Variants in ARRDC5 observed in about 807,000 individuals in gnomAD.
ARRDC5 encodes arrestin domain-containing protein 5.
ARRDC5 carries 12 observed loss-of-function variants against 13.3 expected under a neutral mutation model. The ratio of observed to expected loss-of-function variants is 0.90; its 90% CI spans 0.58 to 1.46. The LOEUF (loss-of-function observed/expected upper bound fraction) is 1.46, where lower values mean the gene tolerates loss of function less well. Among genes scored for constraint, ARRDC5 ranks in the 40% most tolerant of loss-of-function variants. The pLI is 0.00. For missense variants in ARRDC5, 406 were observed against 418.7 expected (o/e 0.97, Z 0.26); for synonymous variants, 181 against 173.4 (o/e 1.04, Z -0.34).
At chr19:4,909,748 G>A in the ARRDC5 span, 1 of 488,586 alleles carries the variant, frequency 2.0e-6, no homozygotes, top group Non-Finnish European at 3.6e-6. Context: ...CAGCCCGGGC[G>A]CACGCATGTC....
chr19:4,892,066 C>T (rs1358362857), intron 2 of ARRDC5, among the ~76,000 whole-genome samples: 2 of 151,838 alleles, frequency 1.3e-5, no homozygotes, highest in Middle Eastern at 3.2e-3. Context: ...CATCTCCCAT[C>T]TCCCAGCATG....
At chr19:4,905,226 C>T (rs188635662), upstream of ARRDC5, among the ~76,000 whole-genome samples, 755 of 147,538 alleles carry the variant, frequency 5.1e-3, 6 homozygotes, top group African/African-American at 0.017. Context: ...ACGCCATTCT[C>T]CTGCCTCAGC....
At chr19:4,899,102 G>T (rs1177283286) in intron 1 of ARRDC5, among the ~76,000 whole-genome samples, 1 of 149,010 alleles carries the variant, frequency 6.7e-6, no homozygotes, top group South Asian at 2.1e-4. Context: ...GAGGTCAGGA[G>T]ATCGAGACCA....
At chr19:4,912,228 G>T in the ARRDC5 span, among the ~76,000 whole-genome samples, 2 of 152,224 alleles carry the variant, frequency 1.3e-5, no homozygotes, top group Admixed American at 6.5e-5. Flanking sequence ...GCAGAGAAGA[G>T]GCAGGGCCGG....
chr19:4,913,818 TTTTTTTTTTTTG>T, the ARRDC5 span, among the ~76,000 whole-genome samples: 1 of 121,574 alleles, frequency 8.2e-6, no homozygotes, highest in Non-Finnish European at 1.7e-5. Flanking sequence ...TTTTTTTTTT[TTTTTTTTTTTTG>T]GAGACAGTTT....
chr19:4,902,228 A>C (rs2031944572), intron 1 of ARRDC5, among the ~76,000 whole-genome samples: 1 of 152,098 alleles, frequency 6.6e-6, no homozygotes, highest in Non-Finnish European at 1.5e-5. Context: ...AGGACTGCCT[A>C]CTTTGTCTCC....
At chr19:4,907,075 T>C (rs2032079343), upstream of ARRDC5, among the ~76,000 whole-genome samples, 1 of 152,222 alleles carries the variant, frequency 6.6e-6, no homozygotes, top group Admixed American at 6.5e-5. Context: ...CCAAGGCTGC[T>C]ATGACAAAGG....
At chr19:4,907,316 C>T (rs1337873137), upstream of ARRDC5, among the ~76,000 whole-genome samples, 2 of 152,112 alleles carry the variant, frequency 1.3e-5, no homozygotes, top group African/African-American at 4.8e-5. Flanking sequence ...GTTGTCCAGG[C>T]TGAAGTGCAG....
At chr19:4,910,745 G>A in the ARRDC5 span, 2 of 1,115,426 alleles carry the variant, frequency 1.8e-6, no homozygotes, top group African/African-American at 1.6e-5. Flanking sequence ...TGTACAGGAG[G>A]ACTGGAAGGG....
At chr19:4,896,367 C>T (rs1450762900) in intron 2 of ARRDC5, among the ~76,000 whole-genome samples, 5 of 95,664 alleles carry the variant, frequency 5.2e-5, no homozygotes, top group African/African-American at 1.9e-4. Context: ...TTTTTACACA[C>T]ACACACACAC....
At chr19:4,911,057 C>A in the ARRDC5 span, 1 of 1,558,928 alleles carries the variant, frequency 6.4e-7, no homozygotes, top group Non-Finnish European at 8.7e-7. Flanking sequence ...GCCGCCAGCA[C>A]CTTTGTTCTA....
the ARRDC5 span, among the ~76,000 whole-genome samples, chr19:4,908,375 A>G: frequency 6.6e-6 from 1 of 152,118 alleles, no homozygotes; most frequent in African/African-American, 2.4e-5. Flanking sequence ...TGGGAACTCA[A>G]CATTTTTCTG....
chr19:4,906,904 G>A (rs1000438138), upstream of ARRDC5, among the ~76,000 whole-genome samples: 3 of 152,364 alleles, frequency 2.0e-5, no homozygotes, highest in Admixed American at 1.3e-4. Context: ...AGCTCAAGCC[G>A]TCTCACACCC....
Position 4,891,345 on chromosome 19 carries a change from G to C in ARRDC5, c.688C>G (p.Arg230Gly). 3.1e-6 allele frequency: 5 copies of C among 1,613,776 alleles called. No homozygotes were observed. Among genetic ancestry groups the C allele is most frequent in the Non-Finnish European group, 3.4e-6 (4 of 1,179,866 alleles). ...CTCAGAAGCTCGCTGCTGTCCAGCC[G>C]AGACCGCCGCTCTGCACTGGGCGTG... ...GFTPSAERRS[R>G]LDSSELLRQE... The change falls in exon 3 of 3, where the codon CGG becomes GGG. Residue 230 changes from arginine to glycine, a missense_variant. By Grantham distance (125) the Arg-to-Gly change is moderately radical. Transcript: ENST00000650722.
upstream of ARRDC5, among the ~76,000 whole-genome samples, chr19:4,906,564 G>T (rs1178266132): frequency 6.6e-6 from 1 of 152,088 alleles, no homozygotes; most frequent in African/African-American, 2.4e-5. Context: ...GACCAGCCTG[G>T]CCAATGTGGT....
chr19:4,893,388 C>T (rs1490648860), intron 2 of ARRDC5, among the ~76,000 whole-genome samples: 1 of 148,964 alleles, frequency 6.7e-6, no homozygotes, highest in African/African-American at 2.5e-5. Context: ...CAACTGTAAT[C>T]CCAGCTACTC....
At chr19:4,901,643 C>T (rs2031918986) in intron 1 of ARRDC5, among the ~76,000 whole-genome samples, 1 of 151,970 alleles carries the variant, frequency 6.6e-6, no homozygotes, top group Non-Finnish European at 1.5e-5. Flanking sequence ...AAATAAGATA[C>T]AAATAAATAA....
chr19:4,911,105 C>G, the ARRDC5 span: 4 of 1,395,948 alleles, frequency 2.9e-6, no homozygotes, highest in Non-Finnish European at 9.5e-7. Flanking sequence ...AGCCACCAGC[C>G]GATACTTTCT....
the ARRDC5 span, chr19:4,910,885 C>T: frequency 3.1e-6 from 5 of 1,608,450 alleles, no homozygotes; most frequent in Middle Eastern, 5.0e-4. Context: ...GCGCCGACAC[C>T]ATGTGGATCC....
Sources: gnomAD v4.1 joint callset for allele counts (sites outside exome capture counted in the v4.1 genomes callset) on GRCh38, gnomAD v4.1.1 for gene constraint, MANE v1.5 for transcripts, NCBI Gene and HGNC (gene_info 2026-07-23, HGNC 2026-07-21) for gene names.